The following UBE2K variants were observed in gnomAD, a reference collection of about 807,000 sequenced individuals.
The protein encoded by UBE2K is ubiquitin-conjugating enzyme E2 K.
Under a neutral mutation model 30.0 loss-of-function variants are expected in UBE2K, and 6 were observed. The observed-to-expected ratio is 0.20, with a 90% CI of 0.11 to 0.39. The LOEUF (loss-of-function observed/expected upper bound fraction) is 0.39. UBE2K is among the 10% of genes least tolerant of loss of function. UBE2K has a pLI of 1.00. For missense variants in UBE2K, 61 were observed against 241.6 expected (o/e 0.25, Z 4.96); for synonymous variants, 86 against 83.7 (o/e 1.03, Z -0.15).
In UBE2K at chr4:39,737,405, CT is replaced by C; in HGVS notation, c.64-14del. 6.8e-7 allele frequency: 1 copy of C among 1,478,616 alleles called. No homozygotes were observed. Among genetic ancestry groups the C allele is most frequent in the Non-Finnish European group, 9.1e-7 (1 of 1,101,684 alleles). The allele number at this position is 1,478,616 out of a possible 1,614,324, so 91.6% of individuals were successfully genotyped here. On this transcript the variant is annotated splice_polypyrimidine_tract_variant and intron_variant, in intron 1 of 6. Transcript: ENST00000261427. Reference sequence around the variant, plus strand: ...TGCTGACATAACTAACATTTATTTTCTGTTTATTTTTAAGACGAGCAAAAAT... The same window carrying C: ...TGCTGACATAACTAACATTTATTTTCGTTTATTTTTAAGACGAGCAAAAAT...
chr4:39,779,169 A>G lies in UBE2K; in HGVS notation c.*735A>G, dbSNP rs985915169. The G allele has an allele frequency of 6.6e-6, 1 of 151,700 alleles. No individual in the cohort carries two copies. Among genetic ancestry groups the G allele is most frequent in the Non-Finnish European group, 1.5e-5 (1 of 67,984 alleles). 9.4% of individuals were successfully genotyped at this position (151,700 alleles called of 1,614,324 possible). ...TTCATTTTTAGGTCGTAGGTTTGGAATGTCTTGTCCCAGTTCTTCAAACAC... is the reference window on the plus strand; with the variant it reads ...TTCATTTTTAGGTCGTAGGTTTGGAGTGTCTTGTCCCAGTTCTTCAAACAC... On this transcript the variant is annotated 3_prime_UTR_variant, in exon 7 of 7. Coordinates refer to ENST00000261427, the MANE Select transcript of UBE2K (RefSeq NM_005339.5).
At chr4:39,757,018 G>GTTTTTTTTTTTT (rs1227834116) in intron 4 of UBE2K, among the ~76,000 whole-genome samples, 2 of 72,118 alleles carry the variant, frequency 2.8e-5, no homozygotes, top group Non-Finnish European at 2.7e-5. Flanking sequence ...TTTGTTTTTT[G>GTTTTTTTTTTTT]TTTTTTGTTT....
intron 1 of UBE2K, among the ~76,000 whole-genome samples, chr4:39,716,578 T>C (rs114754271): frequency 0.011 from 1,710 of 152,204 alleles, 38 homozygotes; most frequent in African/African-American, 0.038. Flanking sequence ...AAACGTTTCC[T>C]GGCAACTTGC....
intron 1 of UBE2K, among the ~76,000 whole-genome samples, chr4:39,735,764 A>G (rs1405346496): frequency 6.6e-6 from 1 of 152,180 alleles, no homozygotes; most frequent in East Asian, 1.9e-4. Flanking sequence ...TTTAGGGCAT[A>G]AGAAGTAGTT....
chr4:39,753,723 C>T (rs1460178030), intron 3 of UBE2K, among the ~76,000 whole-genome samples: 1 of 152,098 alleles, frequency 6.6e-6, no homozygotes, highest in East Asian at 1.9e-4. Context: ...TGTATGAAGG[C>T]CCAGAACAGG....
chr4:39,723,596 C>T (rs1284826963), intron 1 of UBE2K, among the ~76,000 whole-genome samples: 1 of 151,878 alleles, frequency 6.6e-6, no homozygotes, highest in Non-Finnish European at 1.5e-5. Context: ...TCTCAATCTC[C>T]TGACCTCCTG....
At chr4:39,734,435 T>TCCTAATA (rs909920873) in intron 1 of UBE2K, among the ~76,000 whole-genome samples, 1 of 152,162 alleles carries the variant, frequency 6.6e-6, no homozygotes, top group African/African-American at 2.4e-5. Context: ...TGAGCTTATT[T>TCCTAATA]AGTACATTTT....
intron 1 of UBE2K, 115 bp from the exon 2 acceptor site, chr4:39,737,305 A>G: frequency 1.9e-6 from 1 of 533,384 alleles, no homozygotes; most frequent in Non-Finnish European, 3.3e-6. Context: ...GACTTATTTT[A>G]CTAGAGCAGA....
rs547043614 is a variant in UBE2K, at chr4:39,765,146, A to C, written c.299+9407A>C. On this transcript the variant is annotated intron_variant, in intron 4 of 6. Coordinates refer to ENST00000261427, the MANE Select transcript of UBE2K (RefSeq NM_005339.5). ...GTGATCCGCCCGCCTTGGCCTCCCA[A>C]AGCGCTAGGATTATAGGCGTGAGCC... is the stretch of plus-strand genomic sequence containing the variant. Among the ~76,000 whole-genome samples, 4 of 152,264 alleles carry C rather than the reference A, an allele frequency of 2.6e-5. No individual in the cohort carries two copies. The South Asian group carries it at 8.3e-4, about 32-fold the overall frequency.
chr4:39,768,071 C>CT (rs1406537585), intron 4 of UBE2K, among the ~76,000 whole-genome samples: 1 of 151,946 alleles, frequency 6.6e-6, no homozygotes, highest in Non-Finnish European at 1.5e-5. Flanking sequence ...ATGTATGTGC[C>CT]TTTAAACATT....
At chr4:39,728,782 G>A (rs2109337599) in intron 1 of UBE2K, among the ~76,000 whole-genome samples, 1 of 150,992 alleles carries the variant, frequency 6.6e-6, no homozygotes, top group Non-Finnish European at 1.5e-5. Flanking sequence ...GGGACTATAG[G>A]CGCCCGCCAC....
At chr4:39,755,154 C>A (rs968004753) in intron 3 of UBE2K, among the ~76,000 whole-genome samples, 1 of 152,158 alleles carries the variant, frequency 6.6e-6, no homozygotes, top group Non-Finnish European at 1.5e-5. Context: ...TCATAATAGG[C>A]ATTTCAATAA....
At chr4:39,762,586 A>G (rs1363084083) in intron 4 of UBE2K, among the ~76,000 whole-genome samples, 1 of 152,188 alleles carries the variant, frequency 6.6e-6, no homozygotes, top group Non-Finnish European at 1.5e-5. Context: ...TCACATCATG[A>G]GGGTAGAAAA....
chr4:39,771,155 AT>A, intron 4 of UBE2K: 2 of 1,612,938 alleles, frequency 1.2e-6, no homozygotes, highest in South Asian at 2.2e-5. Context: ...CTAACAGCGA[AT>A]TCCAGGGTGC....
chr4:39,755,005 T>C (rs1290438715), intron 3 of UBE2K, among the ~76,000 whole-genome samples: 4 of 152,230 alleles, frequency 2.6e-5, no homozygotes, highest in Non-Finnish European at 4.4e-5. Context: ...TTTGTTATTC[T>C]TCCATAATGA....
intron 4 of UBE2K, chr4:39,771,398 C>T (rs1712822588): frequency 6.2e-7 from 1 of 1,611,404 alleles, no homozygotes; most frequent in Non-Finnish European, 8.5e-7. Flanking sequence ...GCCTAGTGGC[C>T]GGGCAGCTGG....
chr4:39,767,597 A>G (rs1387982150), intron 4 of UBE2K, among the ~76,000 whole-genome samples: 1 of 152,154 alleles, frequency 6.6e-6, no homozygotes, highest in African/African-American at 2.4e-5. Flanking sequence ...TGTTGGGATT[A>G]CAGGCATGAG....
At chr4:39,771,125 T>C (rs1236200307) in intron 4 of UBE2K, 1 of 1,612,550 alleles carries the variant, frequency 6.2e-7, no homozygotes, top group Non-Finnish European at 8.5e-7. Flanking sequence ...GAGGTGGCTG[T>C]AAGATAGTTG....
At chr4:39,722,232 T>C (rs181862476) in intron 1 of UBE2K, among the ~76,000 whole-genome samples, 51 of 152,336 alleles carry the variant, frequency 3.3e-4, no homozygotes, top group African/African-American at 1.2e-3. Flanking sequence ...TTTCTTTTTT[T>C]CTCATCTCAT....
Sources: gnomAD v4.1 joint callset for allele counts (sites outside exome capture counted in the v4.1 genomes callset) on GRCh38, gnomAD v4.1.1 for gene constraint, MANE v1.5 for transcripts, NCBI Gene and HGNC (gene_info 2026-07-23, HGNC 2026-07-21) for gene names.